The following XIRP2 variants were observed in gnomAD, a reference collection of about 807,000 sequenced individuals.
XIRP2 encodes the protein xin actin binding repeat containing 2.
XIRP2 carries 236 observed loss-of-function variants against 277.0 expected under a neutral mutation model. That is an observed-to-expected ratio of 0.85 (90% CI 0.77 to 0.95). The LOEUF is 0.95. Among genes scored for constraint, XIRP2 ranks in the 40% least tolerant of loss-of-function variants. The probability of loss-of-function intolerance (pLI) is 0.00; values close to 1 mark genes in which losing one functional copy is unlikely to be tolerated. For missense variants in XIRP2, 4,640 were observed against 4,157.5 expected (o/e 1.12, Z -3.19); for synonymous variants, 1,490 against 1,416.5 (o/e 1.05, Z -1.17).
rs1230914451 is a variant in XIRP2, at chr2:167,250,402, A to G, written c.9010A>G (p.Asn3004Asp). 4 of 1,613,448 alleles carry G rather than the reference A, an allele frequency of 2.5e-6. No individual in the cohort carries two copies. Among genetic ancestry groups the G allele is most frequent in the Middle Eastern group, 1.6e-4 (1 of 6,078 alleles). The stretch of plus-strand genomic sequence containing the variant: ...TGCAGTTCACATTGCCATGGAGAAT[A>G]ATTTAGAAAAAGTAAAAGAAGAAAT... ...EYAVHIAMEN[N>D]LEKVKEEITH... The change falls in exon 9 of 11, where the codon AAT (asparagine) becomes GAT (aspartate). Residue 3004 changes from asparagine (N) to aspartate (D), a missense_variant. By Grantham distance (23) the Asn-to-Asp change is conservative. Coordinates refer to ENST00000409195, the MANE Select transcript of XIRP2 (RefSeq NM_152381.6).
chr2:166,987,212 C>T (rs1453586376), intron 2 of XIRP2, among the ~76,000 whole-genome samples: 1 of 152,084 alleles, frequency 6.6e-6, no homozygotes, highest in African/African-American at 2.4e-5. Context: ...TGGAAGACTA[C>T]CTGAGTCACT....
chr2:167,142,967 A>G (rs1691764351), intron 3 of XIRP2, among the ~76,000 whole-genome samples: 1 of 152,142 alleles, frequency 6.6e-6, no homozygotes, highest in Non-Finnish European at 1.5e-5. Flanking sequence ...GAAGGGAGAG[A>G]GAAAAAGATG....
In XIRP2 at chr2:167,251,231, C is replaced by A; in HGVS notation, c.9839C>A (p.Thr3280Asn). ...TYVHKDGLNS[T>N]DHMVPDTESY... Reference sequence around the variant, plus strand: ...GTTCATAAAGATGGACTAAATTCCACTGATCACATGGTGCCCGACACTGAA... The same window carrying A: ...GTTCATAAAGATGGACTAAATTCCAATGATCACATGGTGCCCGACACTGAA... The change falls in exon 9 of 11, where the codon ACT becomes AAT. Residue 3280 changes from threonine (T) to asparagine (N), a missense_variant. By Grantham distance (65) the Thr-to-Asn change is moderately conservative. Transcript: ENST00000409195. 1.2e-6 allele frequency: 2 copies of A among 1,613,598 alleles called. No individual in the cohort carries two copies. The highest frequency in any genetic ancestry group is 1.7e-6 in the Non-Finnish European group (2 of 1,179,718).
chr2:166,907,868 G>T (rs543231048), intron 2 of XIRP2, among the ~76,000 whole-genome samples: 191 of 148,174 alleles, frequency 1.3e-3, no homozygotes, highest in Middle Eastern at 7.0e-3. Flanking sequence ...TGCAGTGTTT[G>T]GTTTTTTGTC....
At position 167,258,495 on chromosome 2, in the gene XIRP2, G is replaced by A. The variant is rs1331618920; in HGVS notation, c.*678G>A. 1 of 1,613,168 alleles carries A rather than the reference G, an allele frequency of 6.2e-7. No homozygotes were observed. Among genetic ancestry groups the A allele is most frequent in the Non-Finnish European group, 8.5e-7 (1 of 1,179,634 alleles). On this transcript the variant is annotated 3_prime_UTR_variant, in exon 11 of 11. Transcript: ENST00000409195. ...CCGAGTGAAGCTGAAGACACAAAGA[G>A]TAACAGGAAAAGTGCTATGGATCTT...
intron 2 of XIRP2, among the ~76,000 whole-genome samples, chr2:167,007,679 ACT>A (rs145843756): frequency 0.021 from 2,972 of 142,180 alleles, 36 homozygotes; most frequent in African/African-American, 0.029. Flanking sequence ...CCACATGTAC[ACT>A]CTCTCTCTCT....
intron 2 of XIRP2, among the ~76,000 whole-genome samples, chr2:167,017,064 A>G (rs965094586): frequency 2.0e-5 from 3 of 151,892 alleles, no homozygotes; most frequent in African/African-American, 7.2e-5. Flanking sequence ...CACAGCTGCC[A>G]TAGTTCACGC....
rs1454852958 is a variant in XIRP2, at chr2:167,247,830, G to A, written c.6438G>A (p.Lys2146=). 4 of 1,613,096 alleles carry A rather than the reference G, an allele frequency of 2.5e-6. No individual in the cohort carries two copies. The highest frequency in any genetic ancestry group is 1.7e-6 in the Non-Finnish European group (2 of 1,179,642). The change falls in exon 9 of 11, where the codon AAG becomes AAA. Residue 2146 remains lysine, a synonymous_variant. Transcript: ENST00000409195. The part of the protein sequence containing the change: ...MEGFHIKSPK[K]TKNIKILTDT... Reference sequence around the variant, plus strand: ...GTTTTCATATAAAGAGTCCTAAAAAGACCAAAAATATTAAAATATTAACTG... The same window carrying A: ...GTTTTCATATAAAGAGTCCTAAAAAAACCAAAAATATTAAAATATTAACTG...
intron 2 of XIRP2, among the ~76,000 whole-genome samples, chr2:167,055,826 T>C (rs996971969): frequency 2.6e-5 from 4 of 152,202 alleles, no homozygotes; most frequent in Non-Finnish European, 4.4e-5. Flanking sequence ...TCTCCATTTA[T>C]GCATTTTGTA....
intron 2 of XIRP2, among the ~76,000 whole-genome samples, chr2:166,915,173 C>A (rs180971935): frequency 0.021 from 3,128 of 150,520 alleles, 99 homozygotes; most frequent in African/African-American, 0.072. Context: ...TGGTGGTGGG[C>A]GCCTGTGGTC....
rs748485194 is a variant in XIRP2 at position 167,244,290 on chromosome 2, A to C, written c.2898A>C (p.Ile966=). ...NLIKFDASHK[I]EVEGVTRGAV... The stretch of plus-strand genomic sequence containing the variant: ...TTAAATTTGATGCATCACATAAAAT[A>C]GAGGTGGAAGGAGTTACAAGAGGTG... Residue 966 remains isoleucine (I), a synonymous_variant, in exon 9 of 11, where the codon ATA becomes ATC. Coordinates refer to ENST00000409195, the MANE Select transcript of XIRP2 (RefSeq NM_152381.6). 1 of 1,613,882 alleles carries C rather than the reference A, an allele frequency of 6.2e-7. No individual in the cohort carries two copies. The highest frequency in any genetic ancestry group is 2.2e-5 in the East Asian group (1 of 44,840).
chr2:167,010,937 G>A (rs1687658889), intron 2 of XIRP2, among the ~76,000 whole-genome samples: 1 of 152,088 alleles, frequency 6.6e-6, no homozygotes, highest in South Asian at 2.1e-4. Context: ...CTGAGACTTT[G>A]CTGAAGTTGC....
At chr2:167,159,442 G>T (rs7607357) in intron 3 of XIRP2, among the ~76,000 whole-genome samples, 17,652 of 152,028 alleles carry the variant, frequency 0.12, 1,792 homozygotes, top group African/African-American at 0.27. Context: ...ACACTACAAG[G>T]ATACATTTTT....
Position 167,258,546 on chromosome 2 carries a change from A to G in XIRP2, c.*729A>G, listed in dbSNP as rs766142902. ...AATGACAACAATAATGTGATTGTGC[A>G]GAGTGCTGAAAAGGAGAAAAATGAA... On this transcript the variant is annotated 3_prime_UTR_variant, in exon 11 of 11. Coordinates refer to ENST00000409195, the MANE Select transcript of XIRP2 (RefSeq NM_152381.6). 7 of 1,613,180 alleles carry G rather than the reference A, an allele frequency of 4.3e-6. No individual in the cohort carries two copies. Among genetic ancestry groups the G allele is most frequent in the Non-Finnish European group, 5.9e-6 (7 of 1,179,558 alleles).
intron 2 of XIRP2, among the ~76,000 whole-genome samples, chr2:166,959,773 C>T (rs963504134): frequency 4.6e-5 from 7 of 151,546 alleles, no homozygotes; most frequent in Non-Finnish European, 7.4e-5. Flanking sequence ...CTGAAGAAAA[C>T]GAGTTTCAGA....
intron 2 of XIRP2, among the ~76,000 whole-genome samples, chr2:166,952,934 G>A (rs1686072398): frequency 1.3e-5 from 2 of 151,576 alleles, no homozygotes; most frequent in African/African-American, 2.4e-5. Flanking sequence ...GTGCAGATGT[G>A]GACAATATCA....
intron 4 of XIRP2, among the ~76,000 whole-genome samples, chr2:167,213,887 G>T (rs1424660388): frequency 6.6e-6 from 1 of 152,092 alleles, no homozygotes; most frequent in East Asian, 1.9e-4. Context: ...CTGCAGTAGC[G>T]TAATGATAGT....
chr2:167,129,880 AAAAAAG>A (rs896510057), intron 2 of XIRP2, among the ~76,000 whole-genome samples: 2 of 149,926 alleles, frequency 1.3e-5, no homozygotes, highest in East Asian at 2.0e-4. Flanking sequence ...AAAAAAAAAA[AAAAAAG>A]AAAAGAAAAG....
intron 2 of XIRP2, among the ~76,000 whole-genome samples, chr2:167,012,161 A>C (rs1007751322): frequency 2.0e-5 from 3 of 151,698 alleles, no homozygotes; most frequent in Admixed American, 1.3e-4. Flanking sequence ...TTAGGGTGTC[A>C]ATTTTGGATC....
Sources: allele counts gnomAD v4.1 joint callset (sites outside exome capture counted in the v4.1 genomes callset), GRCh38; gene constraint gnomAD v4.1.1; transcripts MANE v1.5; gene names NCBI Gene and HGNC (gene_info 2026-07-23, HGNC 2026-07-21).